Variants in TIAM1 observed in about 807,000 individuals in gnomAD.
TIAM1 encodes rho guanine nucleotide exchange factor TIAM1.
A neutral mutation model predicts 163.5 loss-of-function variants in TIAM1; 65 were observed. That is an observed-to-expected ratio of 0.40 (90% CI 0.33 to 0.49). TIAM1 has a LOEUF of 0.49. Among genes scored for constraint, TIAM1 ranks in the 20% least tolerant of loss-of-function variants. The probability of loss-of-function intolerance (pLI) is 0.77; values close to 1 mark genes in which losing one functional copy is unlikely to be tolerated. For synonymous variants in TIAM1, 833 were observed against 810.1 expected (o/e 1.03, Z -0.48); for missense variants, 1,789 against 2,044.7 (o/e 0.87, Z 2.41).
intron 2 of TIAM1, among the ~76,000 whole-genome samples, chr21:31,412,784 TA>T (rs77221722): frequency 0.014 from 1,408 of 103,512 alleles, 9 homozygotes; most frequent in South Asian, 0.025. Context: ...TGTCTCAGGT[TA>T]AAAAAAAAAA....
intron 2 of TIAM1, among the ~76,000 whole-genome samples, chr21:31,337,989 T>C (rs1413246703): frequency 1.3e-5 from 2 of 152,130 alleles, no homozygotes; most frequent in Non-Finnish European, 2.9e-5. Context: ...ACCAACTACC[T>C]GGGAGTCCCT....
chr21:31,136,777 G>T (rs1568894106), intron 22 of TIAM1, among the ~76,000 whole-genome samples: 1 of 152,210 alleles, frequency 6.6e-6, no homozygotes, highest in Admixed American at 6.5e-5. Context: ...CCATGACAAA[G>T]ATCCACCCCC....
chr21:31,249,174 A>ACC (rs2071662664), intron 5 of TIAM1, among the ~76,000 whole-genome samples: 1 of 152,190 alleles, frequency 6.6e-6, no homozygotes, highest in Non-Finnish European at 1.5e-5. Context: ...AATTACGATA[A>ACC]TATGAGGTCA....
chr21:31,353,052 A>T (rs1416130298), intron 2 of TIAM1, among the ~76,000 whole-genome samples: 1 of 152,172 alleles, frequency 6.6e-6, no homozygotes, highest in Non-Finnish European at 1.5e-5. Context: ...TATCAAGGTA[A>T]ATCTTTCACA....
chr21:31,213,169 G>GT (rs1226340019), intron 10 of TIAM1: 1 of 441,804 alleles, frequency 2.3e-6, no homozygotes, highest in African/African-American at 2.1e-5. Flanking sequence ...ACATCAAATG[G>GT]TAAGTATGGG....
intron 2 of TIAM1, among the ~76,000 whole-genome samples, chr21:31,334,923 T>A (rs2075791280): frequency 6.6e-6 from 1 of 152,114 alleles, no homozygotes; most frequent in Admixed American, 6.6e-5. Flanking sequence ...CAGTGGAGAC[T>A]GGCTGCAACC....
At chr21:31,262,155 A>C (rs1450910140) in intron 4 of TIAM1, among the ~76,000 whole-genome samples, 1 of 152,182 alleles carries the variant, frequency 6.6e-6, no homozygotes, top group Non-Finnish European at 1.5e-5. Context: ...CCTATTTATT[A>C]AGCATTTGTA....
At chr21:31,204,488 T>C (rs1030708984) in intron 11 of TIAM1, among the ~76,000 whole-genome samples, 4 of 152,254 alleles carry the variant, frequency 2.6e-5, no homozygotes, top group African/African-American at 9.6e-5. Context: ...TAATTTTAAC[T>C]GGTTCAGTAC....
intron 16 of TIAM1, among the ~76,000 whole-genome samples, chr21:31,159,429 A>G (rs1214256490): frequency 6.6e-6 from 1 of 152,202 alleles, no homozygotes; most frequent in Admixed American, 6.5e-5. Flanking sequence ...CACCAAAGGC[A>G]ATTTCTAACT....
Position 31,387,197 on chromosome 21 carries a change from T to C in TIAM1, c.-368-47775A>G, listed in dbSNP as rs2284505. ...TTTTGTTTGTAGAAGCTTATTCTCTTTTTTTTTTTTTTTTTTTTTTTTTGG... is the reference window on the plus strand; with the variant it reads ...TTTTGTTTGTAGAAGCTTATTCTCTCTTTTTTTTTTTTTTTTTTTTTTTGG... On this transcript the variant is annotated intron_variant, in intron 2 of 28. Transcript: ENST00000286827. Among the ~76,000 whole-genome samples the C allele has an allele frequency of 1.4e-3, 83 of 58,356 alleles. 1 individual carries two copies. Among genetic ancestry groups the C allele is most frequent in the Middle Eastern group, 0.01 (1 of 100 alleles). 38.3% of individuals were successfully genotyped at this position (58,356 alleles called of 152,430 possible).
rs973499751 is a variant in TIAM1 at position 31,539,142 on chromosome 21, C to T, written c.-422+19785G>A. ...TCCAAGAGCACACACACACCACATA[C>T]ATTAAATCTCTCAACAGGAAATTTC... On this transcript the variant is annotated intron_variant, in intron 1 of 28. Transcript: ENST00000286827. Among the ~76,000 whole-genome samples the T allele has an allele frequency of 2.0e-5, 3 of 152,144 alleles. No homozygotes were observed. In the East Asian group the frequency reaches 5.8e-4, roughly 29 times the overall value.
intron 4 of TIAM1, among the ~76,000 whole-genome samples, chr21:31,264,120 C>G (rs923559659): frequency 2.8e-4 from 42 of 152,086 alleles, no homozygotes; most frequent in African/African-American, 1.0e-3. Flanking sequence ...TTCTAGGACA[C>G]AAGTGTTTTT....
chr21:31,250,705 C>T (rs1569105622), intron 5 of TIAM1, among the ~76,000 whole-genome samples: 2 of 152,204 alleles, frequency 1.3e-5, no homozygotes, highest in Non-Finnish European at 2.9e-5. Flanking sequence ...TGTTTCAAGT[C>T]TAGCTTGGGA....
chr21:31,387,263 T>C (rs1403193463), intron 2 of TIAM1, among the ~76,000 whole-genome samples: 1 of 143,800 alleles, frequency 7.0e-6, no homozygotes, highest in Non-Finnish European at 1.5e-5. Context: ...GCTCGTGTCG[T>C]CCAGGCTGGA....
chr21:31,385,968 T>C (rs1016352358), intron 2 of TIAM1, among the ~76,000 whole-genome samples: 3 of 147,962 alleles, frequency 2.0e-5, no homozygotes, highest in African/African-American at 4.9e-5. Flanking sequence ...ATATTATATA[T>C]AATATATATA....
chr21:31,181,753 CTTCTTTTTTTTT>C (rs2085028004), intron 15 of TIAM1, among the ~76,000 whole-genome samples: 1 of 39,440 alleles, frequency 2.5e-5, no homozygotes, highest in African/African-American at 7.6e-5. Context: ...TCTTCTTCTT[CTTCTTTTTTTTT>C]TTTTTTTTTT....
At chr21:31,353,032 T>C (rs939721967) in intron 2 of TIAM1, among the ~76,000 whole-genome samples, 5 of 152,142 alleles carry the variant, frequency 3.3e-5, no homozygotes, top group Admixed American at 2.0e-4. Flanking sequence ...TAAAATGACA[T>C]TGCCTCACCT....
chr21:31,502,708 G>A (rs891598926), intron 1 of TIAM1, among the ~76,000 whole-genome samples: 3 of 152,158 alleles, frequency 2.0e-5, no homozygotes, highest in Admixed American at 6.5e-5. Context: ...GGTTCACTCC[G>A]GATTGCACCC....
At chr21:31,371,258 G>A (rs148880104) in intron 2 of TIAM1, among the ~76,000 whole-genome samples, 2,034 of 152,262 alleles carry the variant, frequency 0.013, 88 homozygotes, top group Admixed American at 0.085. Flanking sequence ...CGGTTCTGCC[G>A]ACTCTCCTTA....
Sources: gnomAD v4.1 joint callset for allele counts (sites outside exome capture counted in the v4.1 genomes callset) on GRCh38, gnomAD v4.1.1 for gene constraint, MANE v1.5 for transcripts, NCBI Gene and HGNC (gene_info 2026-07-23, HGNC 2026-07-21) for gene names.